The following ATRNL1 variants were observed in gnomAD, a reference collection of about 807,000 sequenced individuals.
ATRNL1 encodes the protein attractin like 1.
A neutral mutation model predicts 182.7 loss-of-function variants in ATRNL1; 95 were observed. The observed-to-expected ratio is 0.52, with a 90% confidence interval of 0.44 to 0.62. ATRNL1 has a LOEUF of 0.62. Ranked by LOEUF, ATRNL1 falls within the 20% of genes least tolerant of loss-of-function variation. The pLI, the probability that ATRNL1 is intolerant of heterozygous loss-of-function variation, is 0.00. For synonymous variants in ATRNL1, 576 were observed against 568.3 expected, an observed-to-expected ratio of 1.01 and a Z score of -0.19; for missense variants, 1,471 against 1,679.5, an observed-to-expected ratio of 0.88 and a Z score of 2.17.
At chr10:115,534,539 A>G (rs1592805592) in intron 25 of ATRNL1, among the ~76,000 whole-genome samples, 2 of 152,254 alleles carry the variant, frequency 1.3e-5, no homozygotes, top group East Asian at 3.9e-4. Context: ...GCACAACTGT[A>G]TGGGTCTTGA....
Position 115,160,139 on chromosome 10 carries a change from C to T in ATRNL1, c.929C>T (p.Ala310Val), listed in dbSNP as rs1287812156. 1 of 1,612,406 alleles carries T rather than the reference C, an allele frequency of 6.2e-7. No homozygotes were observed. Among genetic ancestry groups the T allele is most frequent in the Admixed American group, 1.7e-5 (1 of 59,782 alleles). ...TCTGTAGGTCGGGCTTCACATAAAG[C>T]AGTTTTACACGGGAAATTTATGTGG... ...SPSVGRASHK[A>V]VLHGKFMWVI... The change falls in exon 6 of 29, where the codon GCA becomes GTA. Residue 310 changes from alanine to valine, a missense_variant. Physicochemically the swap from Ala to Val is moderately conservative, Grantham distance 64. This residue lies in a region of ATRNL1 where 1,031 missense variants were observed against 1,156.0 expected (regional missense o/e 0.89). Coordinates refer to ENST00000355044, the MANE Select transcript of ATRNL1 (RefSeq NM_207303.4).
At chr10:115,174,453 A>G (rs1847416840) in intron 8 of ATRNL1, among the ~76,000 whole-genome samples, 1 of 151,820 alleles carries the variant, frequency 6.6e-6, no homozygotes, top group South Asian at 2.1e-4. Flanking sequence ...TTTATAGGAT[A>G]CAGTTTTCCA....
intron 26 of ATRNL1, among the ~76,000 whole-genome samples, chr10:115,676,764 G>A (rs534250720): frequency 1.1e-4 from 16 of 152,090 alleles, no homozygotes; most frequent in Middle Eastern, 6.8e-3. Context: ...AAGAGTAACA[G>A]TGGAGAAAGA....
At chr10:115,449,527 C>T (rs1385182214) in intron 21 of ATRNL1, among the ~76,000 whole-genome samples, 2 of 152,198 alleles carry the variant, frequency 1.3e-5, no homozygotes, top group Non-Finnish European at 2.9e-5. Flanking sequence ...AGCTATTTAA[C>T]ACTTAAGCCT....
chr10:115,236,012 G>A lies in ATRNL1; in HGVS notation c.1533-5559G>A, dbSNP rs530087009. ...GTATTTTTATTTTATTTAATGTTTT[G>A]TAATCAATTGCTATTCTTTATTCTG... On this transcript the variant is annotated intron_variant, in intron 9 of 28. Transcript: ENST00000355044. Among the ~76,000 whole-genome samples, 16 of 151,690 alleles carry A rather than the reference G, an allele frequency of 1.1e-4. No homozygotes were observed. The East Asian group carries it at 2.3e-3, about 22-fold the overall frequency.
chr10:115,128,899 G>A (rs1483139875), intron 4 of ATRNL1, among the ~76,000 whole-genome samples: 7 of 151,566 alleles, frequency 4.6e-5, no homozygotes, highest in South Asian at 2.1e-4. Flanking sequence ...CAGTGTATGG[G>A]TGATAGCATG....
chr10:115,864,517 G>A (rs1358760056), intron 28 of ATRNL1, among the ~76,000 whole-genome samples: 3 of 152,184 alleles, frequency 2.0e-5, no homozygotes, highest in African/African-American at 4.8e-5. Flanking sequence ...AAAGGGGAAA[G>A]CAGTAAATTT....
At chr10:115,845,521 G>T (rs1232326956) in intron 27 of ATRNL1, among the ~76,000 whole-genome samples, 1 of 152,020 alleles carries the variant, frequency 6.6e-6, no homozygotes, top group Non-Finnish European at 1.5e-5. Flanking sequence ...TTGATGATTT[G>T]ATGTTTTGAA....
rs143094720 is a variant in ATRNL1, at chr10:115,818,904, A to G, written c.3904-28973A>G. Among the ~76,000 whole-genome samples the G allele has an allele frequency of 2.0e-4, 31 of 152,238 alleles. No homozygotes were observed. The East Asian group carries it at 2.9e-3, about 14-fold the overall frequency. ...AGAACCACGGTCATCACCCACACAG[A>G]GTCTATTGTCCAGTGGCAGATTCCA... On this transcript the variant is annotated intron_variant, in intron 27 of 28. Coordinates refer to ENST00000355044, the MANE Select transcript of ATRNL1 (RefSeq NM_207303.4).
At chr10:115,660,797 G>C (rs1860634553) in intron 26 of ATRNL1, among the ~76,000 whole-genome samples, 1 of 152,022 alleles carries the variant, frequency 6.6e-6, no homozygotes, top group Middle Eastern at 3.2e-3. Flanking sequence ...TTTAGTTTTG[G>C]TAAATATGGT....
intron 28 of ATRNL1, among the ~76,000 whole-genome samples, chr10:115,901,743 GAAAAAA>G (rs562327427): frequency 1.7e-5 from 1 of 58,050 alleles, no homozygotes; most frequent in Non-Finnish European, 4.8e-5. Context: ...GAACTGAGAA[GAAAAAA>G]AAAAAAAAAA....
intron 28 of ATRNL1, among the ~76,000 whole-genome samples, chr10:115,939,270 C>A (rs1346247505): frequency 2.0e-5 from 3 of 152,142 alleles, no homozygotes; most frequent in African/African-American, 7.2e-5. Flanking sequence ...TAGGGCTTGT[C>A]CTGCCCTAGG....
chr10:115,763,330 A>C (rs1224856620), intron 27 of ATRNL1, among the ~76,000 whole-genome samples: 3 of 152,226 alleles, frequency 2.0e-5, no homozygotes, highest in African/African-American at 4.8e-5. Flanking sequence ...AGACACAGAT[A>C]CTTGACCATG....
At chr10:115,258,240 T>C (rs911409204) in intron 10 of ATRNL1, among the ~76,000 whole-genome samples, 3 of 152,068 alleles carry the variant, frequency 2.0e-5, no homozygotes, top group Non-Finnish European at 4.4e-5. Flanking sequence ...CACTTTCAGG[T>C]ACACCAATCA....
At chr10:115,381,193 ATCT>A (rs1554950963) in intron 19 of ATRNL1, among the ~76,000 whole-genome samples, 1 of 152,096 alleles carries the variant, frequency 6.6e-6, no homozygotes. Flanking sequence ...CTTTGGAATA[ATCT>A]TCTTTGGAAT....
intron 6 of ATRNL1, among the ~76,000 whole-genome samples, chr10:115,160,631 T>C (rs1379739058): frequency 6.6e-6 from 1 of 151,956 alleles, no homozygotes; most frequent in Admixed American, 6.6e-5. Context: ...CTTTACAAAC[T>C]TTCATTGGGA....
At chr10:115,862,528 A>T (rs1177554078) in intron 28 of ATRNL1, among the ~76,000 whole-genome samples, 1 of 152,212 alleles carries the variant, frequency 6.6e-6, no homozygotes, top group Non-Finnish European at 1.5e-5. Flanking sequence ...GCAAATTAAA[A>T]CACTACTGAA....
intron 5 of ATRNL1, among the ~76,000 whole-genome samples, chr10:115,152,855 C>G (rs1173937550): frequency 6.6e-6 from 1 of 152,104 alleles, no homozygotes; most frequent in Non-Finnish European, 1.5e-5. Flanking sequence ...GTGGGTTTGT[C>G]ATAAATACCT....
intron 28 of ATRNL1, among the ~76,000 whole-genome samples, chr10:115,896,026 A>G (rs993377454): frequency 6.6e-6 from 1 of 152,222 alleles, no homozygotes; most frequent in African/African-American, 2.4e-5. Flanking sequence ...GGGGATGTGT[A>G]CAAGGAGCCC....
Sources: gnomAD v4.1 joint callset for allele counts (sites outside exome capture counted in the v4.1 genomes callset) on GRCh38, gnomAD v4.1.1 for gene constraint, gnomAD v4.1.1 regional missense constraint, MANE v1.5 for transcripts, NCBI Gene and HGNC (gene_info 2026-07-23, HGNC 2026-07-21) for gene names.